TG: variants seen among roughly 807,000 people sequenced by gnomAD.
TG encodes thyroid hormones.
Under a neutral mutation model 324.7 loss-of-function variants are expected in TG, and 270 were observed. The ratio of observed to expected loss-of-function variants is 0.83; its 90% CI spans 0.75 to 0.92. The LOEUF (loss-of-function observed/expected upper bound fraction) is 0.92. TG is among the 40% of genes least tolerant of loss of function. TG has a pLI of 0.00. For missense variants in TG, 3,591 were observed against 3,456.4 expected, an observed-to-expected ratio of 1.04 and a Z score of -0.98; for synonymous variants, 1,401 against 1,327.0, an observed-to-expected ratio of 1.06 and a Z score of -1.21.
chr8:133,041,753 T>C (rs937147430), intron 41 of TG, among the ~76,000 whole-genome samples: 1 of 151,098 alleles, frequency 6.6e-6, no homozygotes, highest in African/African-American at 2.4e-5. Flanking sequence ...GTACCCTGGA[T>C]CTCATTGAGG....
rs545135797 is a variant in TG, at chr8:132,896,035, A to G, written c.3002-1614A>G. 5.3e-5 allele frequency among the ~76,000 whole-genome samples: 8 copies of G among 152,376 alleles called. No homozygotes were observed. In the South Asian group the frequency reaches 1.7e-3, roughly 32 times the overall value. On this transcript the variant is annotated intron_variant, in intron 11 of 47. Coordinates refer to ENST00000220616, the MANE Select transcript of TG (RefSeq NM_003235.5). ...CCAGAGCGAAGTGCCTTTGGCCACT[A>G]GAACATGGTAGCCATGTCTGAGGGC...
intron 4 of TG, among the ~76,000 whole-genome samples, chr8:132,872,178 T>A (rs1839540042): frequency 6.6e-6 from 1 of 152,222 alleles, no homozygotes; most frequent in East Asian, 1.9e-4. Flanking sequence ...AATTAAAAAA[T>A]GTATAAAGTA....
In TG at chr8:133,063,201, C is replaced by A. The variant is rs114234434; in HGVS notation, c.7240-31843C>A. On this transcript the variant is annotated intron_variant, in intron 41 of 47. Coordinates refer to ENST00000220616, the MANE Select transcript of TG (RefSeq NM_003235.5). The stretch of plus-strand genomic sequence containing the variant: ...GCCTGACTCATCAACTGTCATTCAA[C>A]ACCTAGTGATTGTGCCCAGAACCCC... Among the ~76,000 whole-genome samples, 699 of 152,268 alleles carry A rather than the reference C, an allele frequency of 4.6e-3. 10 individuals are homozygous for A. Among genetic ancestry groups the A allele is most frequent in the African/African-American group, 0.015 (621 of 41,550 alleles).
chr8:133,035,222 C>G (rs1836985525), intron 41 of TG, among the ~76,000 whole-genome samples: 1 of 152,162 alleles, frequency 6.6e-6, no homozygotes, highest in Admixed American at 6.5e-5. Flanking sequence ...TGAAAAGTAG[C>G]AATATGTCAT....
intron 40 of TG, among the ~76,000 whole-genome samples, chr8:133,022,671 T>C (rs981437559): frequency 6.6e-5 from 10 of 152,158 alleles, no homozygotes; most frequent in Non-Finnish European, 1.0e-4. Flanking sequence ...ACAAACCTGT[T>C]GATCACCCCA....
chr8:132,981,902 A>G (rs1404728449), intron 34 of TG, among the ~76,000 whole-genome samples: 1 of 152,190 alleles, frequency 6.6e-6, no homozygotes, highest in Non-Finnish European at 1.5e-5. Context: ...GGCTTGGCAT[A>G]TCTGACCAAA....
chr8:133,012,160 T>C (rs563510916), intron 36 of TG, 125 bp downstream of exon 36: 35 of 1,409,574 alleles, frequency 2.5e-5, no homozygotes, highest in Middle Eastern at 3.9e-4. Context: ...AAGTAAGGGA[T>C]TAACCTGGGG....
At chr8:133,037,514 G>A (rs999452341) in intron 41 of TG, 5 of 152,252 alleles carry the variant, frequency 3.3e-5, no homozygotes, top group African/African-American at 7.2e-5. Flanking sequence ...GCTCCTGAGT[G>A]TCCCTCACCT....
Position 132,869,729 on chromosome 8 carries a change from G to C in TG, c.177G>C (p.Gln59His), listed in dbSNP as rs1239281001. The C allele has an allele frequency of 6.2e-7, 1 of 1,614,174 alleles. No homozygotes were observed. Among genetic ancestry groups the C allele is most frequent in the Admixed American group, 1.7e-5 (1 of 60,026 alleles). Residue 59 changes from glutamine (Q) to histidine (H), a missense_variant and splice_region_variant, in exon 3 of 48, where the codon CAG (glutamine) becomes CAC (histidine). Physicochemically the swap from Gln to His is conservative, Grantham distance 24. Transcript: ENST00000220616. The part of the protein sequence containing the change: ...VPQCAEDGSF[Q>H]TVQCQNDGRS... ...CACCTGGTCTGTGTCTCCTCCTCAG[G>C]ACTGTCCAGTGCCAGAACGACGGCC...
intron 36 of TG, among the ~76,000 whole-genome samples, chr8:133,012,925 A>T (rs1342752625): frequency 1.3e-5 from 2 of 152,228 alleles, no homozygotes; most frequent in Admixed American, 1.3e-4. Context: ...GCAGAACTTG[A>T]CATGCAAGGG....
At chr8:133,080,556 A>G (rs897728785) in intron 41 of TG, among the ~76,000 whole-genome samples, 19 of 152,040 alleles carry the variant, frequency 1.2e-4, no homozygotes, top group South Asian at 4.2e-4. Flanking sequence ...CCCTGCTGCT[A>G]TCCTCCTCAA....
chr8:132,882,730 T>A lies in TG; in HGVS notation c.890-84T>A, dbSNP rs114335593. On this transcript the variant is annotated intron_variant, in intron 7 of 47. Transcript: ENST00000220616. Reference sequence around the variant, plus strand: ...AAAGTGAGGGCAGAGATGAAAAGAATCGTTAAGAGCAAACAGCAGTGCATG... The same window carrying A: ...AAAGTGAGGGCAGAGATGAAAAGAAACGTTAAGAGCAAACAGCAGTGCATG... 1,021 of 1,612,316 alleles carry A rather than the reference T, an allele frequency of 6.3e-4. 9 individuals are homozygous for A. The African/African-American group carries it at 0.012, about 19-fold the overall frequency.
At chr8:133,087,071 TACACACACACACACACACACAC>T (rs56028043) in intron 41 of TG, among the ~76,000 whole-genome samples, 46 of 143,128 alleles carry the variant, frequency 3.2e-4, no homozygotes, top group Middle Eastern at 3.6e-3. Context: ...AATATATGTT[TACACACACACACACACACACAC>T]ACACACACAC....
intron 34 of TG, among the ~76,000 whole-genome samples, chr8:132,982,758 C>T (rs1034482188): frequency 6.6e-5 from 10 of 152,192 alleles, no homozygotes; most frequent in African/African-American, 2.4e-4. Context: ...ACTCATTGTA[C>T]AGATGTGAAA....
At chr8:132,957,888 T>TC (rs1160634762) in intron 27 of TG, among the ~76,000 whole-genome samples, 1 of 152,154 alleles carries the variant, frequency 6.6e-6, no homozygotes, top group Non-Finnish European at 1.5e-5. Flanking sequence ...GCACCCATCA[T>TC]CTGAACAGTG....
chr8:133,004,714 G>A (rs1833870019), intron 35 of TG, among the ~76,000 whole-genome samples: 1 of 152,226 alleles, frequency 6.6e-6, no homozygotes, highest in Admixed American at 6.5e-5. Context: ...TGCAGCTGGA[G>A]TGACTGACCC....
chr8:132,875,879 G>C (rs1813712016), intron 5 of TG, among the ~76,000 whole-genome samples: 1 of 152,190 alleles, frequency 6.6e-6, no homozygotes, highest in Non-Finnish European at 1.5e-5. Context: ...GGTAGTCGCA[G>C]GCCCAGTGAC....
At chr8:133,116,056 G>A (rs2131773714) in intron 44 of TG, among the ~76,000 whole-genome samples, 1 of 152,080 alleles carries the variant, frequency 6.6e-6, no homozygotes, top group East Asian at 1.9e-4. Flanking sequence ...AACCAGGAAT[G>A]TCTCCAAGCA....
chr8:133,058,324 C>T (rs1841837213), intron 41 of TG, among the ~76,000 whole-genome samples: 1 of 152,134 alleles, frequency 6.6e-6, no homozygotes, highest in African/African-American at 2.4e-5. Context: ...GGGGAATTCT[C>T]TTCACCAGGG....
Sources: allele counts gnomAD v4.1 joint callset (sites outside exome capture counted in the v4.1 genomes callset), GRCh38; gene constraint gnomAD v4.1.1; transcripts MANE v1.5; gene names NCBI Gene and HGNC (gene_info 2026-07-23, HGNC 2026-07-21).